The following SULF1 variants were observed in gnomAD, a reference collection of about 807,000 sequenced individuals.
The protein encoded by SULF1 is sulfatase 1.
SULF1 carries 46 observed loss-of-function variants against 110.5 expected under a neutral mutation model. The observed-to-expected ratio is 0.42, with a 90% CI of 0.33 to 0.53. SULF1 has a LOEUF of 0.53. Ranked by LOEUF, SULF1 falls within the 20% of genes least tolerant of loss-of-function variation. The probability of loss-of-function intolerance (pLI) is 0.12; values close to 1 mark genes in which losing one functional copy is unlikely to be tolerated. For synonymous variants in SULF1, 371 were observed against 387.1 expected (o/e 0.96, Z 0.49); for missense variants, 941 against 1,094.2 (o/e 0.86, Z 1.98).
At chr8:69,506,365 CTT>C (rs1339500625) in intron 3 of SULF1, among the ~76,000 whole-genome samples, 2 of 152,188 alleles carry the variant, frequency 1.3e-5, no homozygotes, top group African/African-American at 4.8e-5. Flanking sequence ...AGACTAATCA[CTT>C]TCACATGTGA....
chr8:69,654,687 T>C (rs1812585620), intron 22 of SULF1, among the ~76,000 whole-genome samples: 1 of 152,158 alleles, frequency 6.6e-6, no homozygotes. Context: ...TCCTGCCCCC[T>C]CTCCTCTTAT....
chr8:69,623,774 G>A (rs973107040), intron 14 of SULF1, among the ~76,000 whole-genome samples, 168 bp from the exon 15 acceptor site: 4 of 149,744 alleles, frequency 2.7e-5, no homozygotes, highest in African/African-American at 1.0e-4. Flanking sequence ...CAATGGCACT[G>A]CCAGGACAAC....
chr8:69,587,173 G>A (rs1413435995), intron 7 of SULF1, among the ~76,000 whole-genome samples: 1 of 152,136 alleles, frequency 6.6e-6, no homozygotes, highest in Non-Finnish European at 1.5e-5. Flanking sequence ...GCTGACTTAA[G>A]TTTAAATTTT....
chr8:69,483,582 C>T (rs889066832), intron 1 of SULF1, among the ~76,000 whole-genome samples: 4 of 152,128 alleles, frequency 2.6e-5, no homozygotes, highest in Admixed American at 2.6e-4. Flanking sequence ...TCCTACTGAC[C>T]ATACCTAAAA....
At chr8:69,504,976 T>A (rs2150578342) in intron 3 of SULF1, among the ~76,000 whole-genome samples, 1 of 152,336 alleles carries the variant, frequency 6.6e-6, no homozygotes, top group African/African-American at 2.4e-5. Flanking sequence ...TCTCTGCTCA[T>A]ATCATTTGGG....
At position 69,640,812 on chromosome 8, in the gene SULF1, T is replaced by C. The variant is rs757759720; in HGVS notation, c.2556T>C (p.Asn852=). 1 of 1,611,714 alleles carries C rather than the reference T, an allele frequency of 6.2e-7. No individual in the cohort carries two copies. Among genetic ancestry groups the C allele is most frequent in the Admixed American group, 1.7e-5 (1 of 59,512 alleles). ...TCTTGTATTTTCCTATATCAGGAAA[T>C]AAAGATGGAGGAAGCTATGACCTAC... ...NPRPKNLDVG[N]KDGGSYDLHR... is the part of the protein sequence containing the mutation. Residue 852 remains asparagine (N), a synonymous_variant, in exon 22 of 23, where the codon AAT becomes AAC. Transcript: ENST00000402687.
chr8:69,572,856 C>A (rs1038760205), intron 5 of SULF1, among the ~76,000 whole-genome samples: 1 of 152,168 alleles, frequency 6.6e-6, no homozygotes, highest in African/African-American at 2.4e-5. Flanking sequence ...GAGACAGAGT[C>A]TCGCTTTGTC....
intron 1 of SULF1, among the ~76,000 whole-genome samples, chr8:69,467,763 G>C (rs74797884): frequency 0.035 from 5,313 of 152,194 alleles, 267 homozygotes; most frequent in African/African-American, 0.12. Flanking sequence ...TTAATTAAAC[G>C]TAAATAGATT....
intron 8 of SULF1, among the ~76,000 whole-genome samples, chr8:69,599,965 A>C (rs568410066): frequency 1.8e-4 from 28 of 152,184 alleles, no homozygotes; most frequent in Non-Finnish European, 3.4e-4. Context: ...TATTCCCTGC[A>C]CCTATATTGA....
At chr8:69,620,246 TCTC>T (rs1238317423) in intron 13 of SULF1, among the ~76,000 whole-genome samples, 3 of 152,170 alleles carry the variant, frequency 2.0e-5, no homozygotes, top group Non-Finnish European at 4.4e-5. Flanking sequence ...CGTCAGCTTG[TCTC>T]CTCATCTCCT....
chr8:69,467,748 A>G (rs182296261), intron 1 of SULF1, among the ~76,000 whole-genome samples: 22 of 152,322 alleles, frequency 1.4e-4, no homozygotes, highest in African/African-American at 4.8e-4. Flanking sequence ...CGGCTAAGTG[A>G]AGTGTTAATT....
In SULF1 at chr8:69,637,187, T is replaced by C. The variant is rs754929005; in HGVS notation, c.2285-1315T>C. Among the ~76,000 whole-genome samples, 44 of 152,238 alleles carry C rather than the reference T, an allele frequency of 2.9e-4. 1 individual carries two copies. The highest frequency in any genetic ancestry group is 5.1e-4 in the Non-Finnish European group (35 of 68,050). On this transcript the variant is annotated intron_variant, in intron 19 of 22. Coordinates refer to ENST00000402687, the MANE Select transcript of SULF1 (RefSeq NM_001128205.2). ...CCAAATGACCATAGAAGGGTCGACG[T>C]TGAGTTCTTCCACAAATTCTCATGT...
intron 13 of SULF1, among the ~76,000 whole-genome samples, chr8:69,609,650 CT>C (rs2130459415): frequency 6.6e-6 from 1 of 152,336 alleles, no homozygotes; most frequent in South Asian, 2.1e-4. Flanking sequence ...ACGTTGAGTA[CT>C]TTCTTCCCTG....
intron 3 of SULF1, among the ~76,000 whole-genome samples, chr8:69,547,196 G>A (rs1234822341): frequency 2.0e-5 from 3 of 152,014 alleles, no homozygotes; most frequent in Admixed American, 6.6e-5. Flanking sequence ...GGGGTGGGGT[G>A]GGGGAGGACT....
intron 8 of SULF1, among the ~76,000 whole-genome samples, chr8:69,599,472 T>C (rs1326401962): frequency 6.6e-6 from 1 of 152,196 alleles, no homozygotes; most frequent in Non-Finnish European, 1.5e-5. Context: ...TGTTGTTAAT[T>C]TGGAGGAGTT....
At chr8:69,649,118 A>C (rs1349434548) in intron 22 of SULF1, among the ~76,000 whole-genome samples, 1 of 152,258 alleles carries the variant, frequency 6.6e-6, no homozygotes, top group Non-Finnish European at 1.5e-5. Flanking sequence ...GAAGACAGGC[A>C]GAAACCAGGA....
upstream of SULF1, among the ~76,000 whole-genome samples, chr8:69,488,110 A>T (rs1268155290): frequency 6.6e-6 from 1 of 152,238 alleles, no homozygotes; most frequent in Admixed American, 6.5e-5. Context: ...TAGTGCAAAC[A>T]TGACCTTCCT....
chr8:69,646,022 A>C (rs938560261), intron 22 of SULF1, among the ~76,000 whole-genome samples: 1 of 152,232 alleles, frequency 6.6e-6, no homozygotes, highest in Non-Finnish European at 1.5e-5. Context: ...AATGTCAAAA[A>C]TTCTGGACAA....
intron 3 of SULF1, among the ~76,000 whole-genome samples, chr8:69,524,007 C>T (rs13272509): frequency 0.47 from 71,078 of 151,806 alleles, 17,990 homozygotes; most frequent in South Asian, 0.59. Flanking sequence ...GAAATGACAG[C>T]GAAGCAGGAG....
Sources: allele counts gnomAD v4.1 joint callset (sites outside exome capture counted in the v4.1 genomes callset), GRCh38; gene constraint gnomAD v4.1.1; transcripts MANE v1.5; gene names NCBI Gene and HGNC (gene_info 2026-07-23, HGNC 2026-07-21).